CATSPERB: variants seen among roughly 807,000 people sequenced by gnomAD.
The protein encoded by CATSPERB is cation channel sperm-associated auxiliary subunit beta.
CATSPERB carries 93 observed loss-of-function variants against 128.3 expected under a neutral mutation model. The ratio of observed to expected loss-of-function variants is 0.72; its 90% CI spans 0.61 to 0.86. The LOEUF is 0.86. CATSPERB is among the 40% of genes least tolerant of loss of function. CATSPERB has a pLI of 0.00. For missense variants in CATSPERB, 1,153 were observed against 1,329.5 expected (o/e 0.87, Z 2.06); for synonymous variants, 381 against 448.8 (o/e 0.85, Z 1.91).
intron 15 of CATSPERB, among the ~76,000 whole-genome samples, chr14:91,650,598 T>C (rs1894686933): frequency 6.6e-6 from 1 of 152,226 alleles, no homozygotes; most frequent in Non-Finnish European, 1.5e-5. Context: ...AGAGTGTTTC[T>C]GCTTTTAGTG....
intron 14 of CATSPERB, among the ~76,000 whole-genome samples, chr14:91,660,830 A>G (rs932316333): frequency 9.2e-5 from 14 of 152,202 alleles, no homozygotes; most frequent in Admixed American, 5.9e-4. Context: ...ATAGGTGACC[A>G]GTTAATCGGT....
Position 91,629,869 on chromosome 14 carries a change from G to A in CATSPERB, c.1743-4862C>T, listed in dbSNP as rs1173757074. On this transcript the variant is annotated intron_variant, in intron 17 of 26. Coordinates refer to ENST00000256343, the MANE Select transcript of CATSPERB (RefSeq NM_024764.4). ...TCAGCCTTTAAAAGAGAAGGAAAGG[G>A]GATTTGTGCAATGGAGAATGAATCA... Among the ~76,000 whole-genome samples, 3 of 152,120 alleles carry A rather than the reference G, an allele frequency of 2.0e-5. 1 individual carries two copies. Among genetic ancestry groups the A allele is most frequent in the Admixed American group, 2.0e-4 (3 of 15,274 alleles).
At chr14:91,604,984 A>C (rs578168055) in intron 22 of CATSPERB, 1 of 1,171,030 alleles carries the variant, frequency 8.5e-7, no homozygotes, top group Admixed American at 1.7e-5. Context: ...CCTGAAATCT[A>C]TCATTGAGTA....
chr14:91,670,471 C>A (rs183756502), intron 13 of CATSPERB, among the ~76,000 whole-genome samples: 1 of 151,558 alleles, frequency 6.6e-6, no homozygotes, highest in Admixed American at 6.6e-5. Context: ...TGAGCCTAGG[C>A]ATTTGAGAAC....
chr14:91,619,817 T>A (rs917231074), intron 19 of CATSPERB, among the ~76,000 whole-genome samples: 20 of 151,330 alleles, frequency 1.3e-4, no homozygotes, highest in African/African-American at 4.6e-4. Flanking sequence ...ATAAAAGTAT[T>A]CCTACAGAGA....
rs571462373 is a variant in CATSPERB, at chr14:91,686,866, T to C, written c.865-2923A>G. 2.6e-5 allele frequency among the ~76,000 whole-genome samples: 4 copies of C among 152,214 alleles called. No individual in the cohort carries two copies. In the South Asian group the frequency reaches 8.3e-4, roughly 32 times the overall value. The stretch of plus-strand genomic sequence containing the variant: ...GGGAAATTACCCAAGCATCCAGCAA[T>C]GGATGATAATTTAAATAAACTCTGG... On this transcript the variant is annotated intron_variant, in intron 10 of 26. Coordinates refer to ENST00000256343, the MANE Select transcript of CATSPERB (RefSeq NM_024764.4).
intron 22 of CATSPERB, among the ~76,000 whole-genome samples, chr14:91,599,298 C>G (rs1010720219): frequency 6.6e-6 from 1 of 152,092 alleles, no homozygotes; most frequent in Non-Finnish European, 1.5e-5. Context: ...CGATGGCTCA[C>G]GCTGTAATCC....
At chr14:91,604,598 T>C (rs1477426039) in intron 22 of CATSPERB, 23 of 1,610,726 alleles carry the variant, frequency 1.4e-5, no homozygotes, top group Admixed American at 5.0e-5. Flanking sequence ...TCCATAGTTA[T>C]AGAAGGGACT....
intron 11 of CATSPERB, among the ~76,000 whole-genome samples, chr14:91,680,483 A>C (rs1481036296): frequency 6.6e-6 from 1 of 152,210 alleles, no homozygotes; most frequent in African/African-American, 2.4e-5. Flanking sequence ...ATATATACAT[A>C]AGTCAATTTT....
At chr14:91,683,639 T>C (rs935374956) in intron 11 of CATSPERB, among the ~76,000 whole-genome samples, 1 of 152,122 alleles carries the variant, frequency 6.6e-6, no homozygotes, top group Admixed American at 6.5e-5. Context: ...ATCGTGAAGA[T>C]GACACTAGCC....
intron 14 of CATSPERB, among the ~76,000 whole-genome samples, chr14:91,664,263 T>C (rs867118805): frequency 0.044 from 1,292 of 29,172 alleles, 31 homozygotes; most frequent in Middle Eastern, 0.062. Context: ...CCATGTCTTT[T>C]TTTTTTTTTT....
chr14:91,595,761 A>G (rs1893496765), intron 22 of CATSPERB, among the ~76,000 whole-genome samples: 1 of 152,334 alleles, frequency 6.6e-6, no homozygotes, highest in African/African-American at 2.4e-5. Context: ...AATTCCTCCA[A>G]TTGTGTCCTA....
intron 14 of CATSPERB, among the ~76,000 whole-genome samples, chr14:91,663,518 G>A (rs915723790): frequency 1.3e-5 from 2 of 151,844 alleles, no homozygotes; most frequent in South Asian, 2.1e-4. Context: ...AGTGGAGGGC[G>A]CCTGTAGTCC....
chr14:91,722,618 T>C (rs10141517), intron 4 of CATSPERB, among the ~76,000 whole-genome samples: 149,532 of 152,266 alleles, frequency 0.98, 73,480 homozygotes, highest in Middle Eastern at 1. Context: ...TACTAAAAAC[T>C]ATTTAAGTGC....
chr14:91,704,825 T>C, intron 6 of CATSPERB, 124 bp from the exon 7 acceptor site: 1 of 897,748 alleles, frequency 1.1e-6, no homozygotes, highest in South Asian at 2.0e-5. Flanking sequence ...AAAGGTGCAT[T>C]ACCTCACTCT....
chr14:91,637,285 C>A (rs1338455196), intron 16 of CATSPERB, among the ~76,000 whole-genome samples: 1 of 152,070 alleles, frequency 6.6e-6, no homozygotes, highest in African/African-American at 2.4e-5. Context: ...CACATCTGTC[C>A]CATAGTGCCT....
chr14:91,603,147 A>G (rs1451400084), intron 22 of CATSPERB: 2 of 784,890 alleles, frequency 2.5e-6, no homozygotes, highest in African/African-American at 1.7e-5. Flanking sequence ...TCTTCCTTGT[A>G]TACCTTCATG....
At chr14:91,607,529 G>A (rs1339494638) in intron 22 of CATSPERB, among the ~76,000 whole-genome samples, 1 of 152,182 alleles carries the variant, frequency 6.6e-6, no homozygotes, top group Non-Finnish European at 1.5e-5. Context: ...AGCATGGCTA[G>A]AGCAGATCAA....
chr14:91,689,730 GTGGTT>G (rs1476481018), intron 10 of CATSPERB, among the ~76,000 whole-genome samples: 1 of 151,740 alleles, frequency 6.6e-6, no homozygotes, highest in East Asian at 1.9e-4. Context: ...CCTTCGTCTG[GTGGTT>G]TGGAAGTTTT....
Sources: gnomAD v4.1 joint callset for allele counts (sites outside exome capture counted in the v4.1 genomes callset) on GRCh38, gnomAD v4.1.1 for gene constraint, MANE v1.5 for transcripts, NCBI Gene and HGNC (gene_info 2026-07-23, HGNC 2026-07-21) for gene names.